The following HSPA14 variants were observed in gnomAD, a reference collection of about 807,000 sequenced individuals.
HSPA14 encodes heat shock protein family A (Hsp70) member 14.
In HSPA14, 37 loss-of-function variants were observed where a neutral mutation model predicts 65.5. That is an observed-to-expected ratio of 0.56 (90% CI 0.43 to 0.74). The LOEUF (loss-of-function observed/expected upper bound fraction) is 0.74, where lower values mean the gene tolerates loss of function less well. Among genes scored for constraint, HSPA14 ranks in the 30% least tolerant of loss-of-function variants. The probability of loss-of-function intolerance (pLI) is 0.00; values close to 1 mark genes in which losing one functional copy is unlikely to be tolerated. For synonymous variants in HSPA14, 203 were observed against 214.2 expected, an observed-to-expected ratio of 0.95 and a Z score of 0.46; for missense variants, 564 against 607.6, an observed-to-expected ratio of 0.93 and a Z score of 0.75.
intron 3 of HSPA14, among the ~76,000 whole-genome samples, chr10:14,848,294 A>G (rs1834078417): frequency 6.6e-6 from 1 of 152,124 alleles, no homozygotes; most frequent in Non-Finnish European, 1.5e-5. Flanking sequence ...GTGTGAAACT[A>G]TGATACAAAA....
chr10:14,848,534 C>A, intron 3 of HSPA14, 75 bp from the exon 4 acceptor site: 10 of 1,030,438 alleles, frequency 9.7e-6, no homozygotes, highest in Non-Finnish European at 1.3e-5. Context: ...TTGTGAAATA[C>A]AGTCTTCTCT....
chr10:14,859,705 G>A (rs2131644470), intron 10 of HSPA14, among the ~76,000 whole-genome samples: 1 of 152,244 alleles, frequency 6.6e-6, no homozygotes, highest in Non-Finnish European at 1.5e-5. Flanking sequence ...GTAACTTGGT[G>A]GATGTCCTCA....
chr10:14,857,073 A>G (rs1383048247), intron 10 of HSPA14, among the ~76,000 whole-genome samples: 2 of 152,104 alleles, frequency 1.3e-5, no homozygotes, highest in Non-Finnish European at 2.9e-5. Context: ...TGCCTAATTT[A>G]TATAATATAA....
intron 3 of HSPA14, chr10:14,846,729 C>T (rs1834059738): frequency 1.0e-6 from 1 of 984,172 alleles, no homozygotes. Flanking sequence ...ACATGTAAGG[C>T]ACTGTCATGT....
chr10:14,854,754 T>C (rs1834133762), intron 9 of HSPA14, among the ~76,000 whole-genome samples: 1 of 152,246 alleles, frequency 6.6e-6, no homozygotes, highest in Non-Finnish European at 1.5e-5. Flanking sequence ...GTTTAGCTTC[T>C]TCACTTTCCC....
chr10:14,867,931 C>T (rs773127614), intron 12 of HSPA14, 22 bp downstream of exon 12: 1 of 1,582,172 alleles, frequency 6.3e-7, no homozygotes, highest in South Asian at 1.2e-5. Context: ...AAGTTAGACA[C>T]ATTAAACTGT....
At chr10:14,840,258 T>G (rs532918492) in intron 3 of HSPA14, 101 bp downstream of exon 3, 1 of 514,748 alleles carries the variant, frequency 1.9e-6, no homozygotes, top group East Asian at 4.1e-5. Flanking sequence ...GTTTGTTTCT[T>G]CATTGCTTTT....
intron 10 of HSPA14, among the ~76,000 whole-genome samples, chr10:14,865,504 G>A (rs1443644847): frequency 1.3e-5 from 2 of 152,154 alleles, no homozygotes; most frequent in African/African-American, 2.4e-5. Context: ...TTTGTATAAG[G>A]TGTAAGGAAG....
chr10:14,855,765 G>A, intron 9 of HSPA14, 76 bp from the exon 10 acceptor site: 1 of 713,036 alleles, frequency 1.4e-6, no homozygotes, highest in Non-Finnish European at 2.4e-6. Context: ...ATATTTGTTT[G>A]ATTGTACTGA....
chr10:14,853,550 G>A (rs1834123509), intron 8 of HSPA14, among the ~76,000 whole-genome samples: 1 of 152,042 alleles, frequency 6.6e-6, no homozygotes, highest in South Asian at 2.1e-4. Flanking sequence ...ATTATATAAT[G>A]CAGCAGTTCA....
Position 14,839,571 on chromosome 10 carries a change from C to CA in HSPA14, c.58-318dup, listed in dbSNP as rs755617483. On this transcript the variant is annotated intron_variant, in intron 1 of 13. Coordinates refer to ENST00000378372, the MANE Select transcript of HSPA14 (RefSeq NM_016299.4). Reference sequence around the variant, plus strand: ...GGGCCACGGAGCAAGACTCCGTGTCCAAAAAAAAAAAAAAAAGAAATGGTA... The same window carrying CA: ...GGGCCACGGAGCAAGACTCCGTGTCCAAAAAAAAAAAAAAAAAGAAATGGTA... Among the ~76,000 whole-genome samples the CA allele has an allele frequency of 9.1e-3, 723 of 79,546 alleles. 6 individuals carry two copies. The highest frequency in any genetic ancestry group is 0.022 in the Admixed American group (156 of 7,006). The allele number at this position is 79,546 out of a possible 152,430, so 52.2% of individuals were successfully genotyped here.
chr10:14,842,651 C>G lies in HSPA14; in HGVS notation c.221+2494C>G. 3 of 1,536,194 alleles carry G rather than the reference C, an allele frequency of 2.0e-6. No homozygotes were observed. The highest frequency in any genetic ancestry group is 2.6e-6 in the Non-Finnish European group (3 of 1,146,950). On this transcript the variant is annotated intron_variant, in intron 3 of 13. Coordinates refer to ENST00000378372, the MANE Select transcript of HSPA14 (RefSeq NM_016299.4). This position sits in a 1 kb window ranked among gnomAD's most constrained non-coding sequence, Gnocchi z 5.2. ...TGCTGCTTGGGCCAAGCACTGTGAT[C>G]AGAACTTAGTGGCCTCTGACGCCCC... is the stretch of plus-strand genomic sequence containing the variant.
intron 12 of HSPA14, among the ~76,000 whole-genome samples, chr10:14,869,986 T>TA (rs1832840476): frequency 6.6e-6 from 1 of 152,228 alleles, no homozygotes; most frequent in Non-Finnish European, 1.5e-5. Flanking sequence ...ACAAGGTACT[T>TA]AGTAACTTAC....
intron 13 of HSPA14, 101 bp from the exon 14 acceptor site, chr10:14,871,427 A>G: frequency 1.5e-6 from 1 of 688,618 alleles, no homozygotes; most frequent in South Asian, 1.7e-5. Context: ...GAAAATTAAA[A>G]TTAACCCTTG....
rs1183114472 is a variant in HSPA14 at position 14,871,519 on chromosome 10, T to A, written c.1452-9T>A. ...TTGTGCAATGTTCTTTATTTTTTTG[T>A]CTGTTTAGGGATGGATCTTTACATG... On this transcript the variant is annotated splice_polypyrimidine_tract_variant and intron_variant, in intron 13 of 13. Coordinates refer to ENST00000378372, the MANE Select transcript of HSPA14 (RefSeq NM_016299.4). 6 of 1,533,006 alleles carry A rather than the reference T, an allele frequency of 3.9e-6. No homozygotes were observed. In the East Asian group the frequency reaches 1.4e-4, roughly 35 times the overall value. The allele number at this position is 1,533,006 out of a possible 1,614,324, so 95.0% of individuals were successfully genotyped here.
chr10:14,864,783 A>C (rs929357666), intron 10 of HSPA14, among the ~76,000 whole-genome samples: 1 of 152,218 alleles, frequency 6.6e-6, no homozygotes, highest in Non-Finnish European at 1.5e-5. Flanking sequence ...CGCAATGAAC[A>C]TATGTGTGCA....
rs1055490626 is a variant in HSPA14, at chr10:14,838,659, G to A, written c.57+200G>A. ...ATTCCTCCGGAAAGTCGTCTACTCC[G>A]CGGCGGAGGCTCGCGGCGATGTAGA... On this transcript the variant is annotated intron_variant, in intron 1 of 13. Coordinates refer to ENST00000378372, the MANE Select transcript of HSPA14 (RefSeq NM_016299.4). 7.4e-6 allele frequency: 4 copies of A among 537,704 alleles called. No individual in the cohort carries two copies. In the Admixed American group the frequency reaches 1.5e-4, roughly 20 times the overall value. 33.3% of individuals were successfully genotyped at this position (537,704 alleles called of 1,614,324 possible).
At chr10:14,858,714 T>C (rs1364277542) in intron 10 of HSPA14, among the ~76,000 whole-genome samples, 1 of 152,172 alleles carries the variant, frequency 6.6e-6, no homozygotes, top group Admixed American at 6.5e-5. Context: ...GGTAATCCTC[T>C]TACGGGGAAC....
Position 14,842,388 on chromosome 10 carries a change from CTG to C in HSPA14, c.221+2234_221+2235del, listed in dbSNP as rs1833984947. 6.5e-7 allele frequency: 1 copy of C among 1,536,042 alleles called. No homozygotes were observed. Among genetic ancestry groups the C allele is most frequent in the African/African-American group, 1.4e-5 (1 of 73,058 alleles). ...GCAGAGTATATTCAGCGCCTCCAGA[CTG>C]TGCATCACAATGCAGATGTCTATCA... is the stretch of plus-strand genomic sequence containing the variant. On this transcript the variant is annotated intron_variant, in intron 3 of 13. Coordinates refer to ENST00000378372, the MANE Select transcript of HSPA14 (RefSeq NM_016299.4). The surrounding 1 kb of genome is among the most constrained non-coding windows in gnomAD (Gnocchi z 5.2).
Sources: gnomAD v4.1 joint callset for allele counts (sites outside exome capture counted in the v4.1 genomes callset) on GRCh38, gnomAD v4.1.1 for gene constraint, Gnocchi (gnomAD v3.1) non-coding constraint, MANE v1.5 for transcripts, NCBI Gene and HGNC (gene_info 2026-07-23, HGNC 2026-07-21) for gene names.